The following SHROOM3 variants were observed in gnomAD, a reference collection of about 807,000 sequenced individuals.
The protein encoded by SHROOM3 is shroom family member 3.
A neutral mutation model predicts 138.6 loss-of-function variants in SHROOM3; 47 were observed. The ratio of observed to expected loss-of-function variants is 0.34; its 90% confidence interval spans 0.27 to 0.43. The LOEUF is 0.43. Ranked by LOEUF, SHROOM3 falls within the 20% of genes least tolerant of loss-of-function variation. The probability of loss-of-function intolerance (pLI) is 1.00; values close to 1 mark genes in which losing one functional copy is unlikely to be tolerated. For synonymous variants in SHROOM3, 1,062 were observed against 1,063.3 expected (o/e 1.00, Z 0.02); for missense variants, 2,491 against 2,596.5 (o/e 0.96, Z 0.88).
At chr4:76,724,789 A>G (rs1391213848) in intron 3 of SHROOM3, among the ~76,000 whole-genome samples, 3 of 152,226 alleles carry the variant, frequency 2.0e-5, no homozygotes, top group African/African-American at 7.2e-5. Context: ...AACAGCCATT[A>G]TATGGATATA....
At chr4:76,553,776 C>A (rs369319466) in intron 1 of SHROOM3, among the ~76,000 whole-genome samples, 2 of 152,122 alleles carry the variant, frequency 1.3e-5, no homozygotes, top group African/African-American at 4.8e-5. Flanking sequence ...GGATTACAGG[C>A]GTGAGCCACT....
chr4:76,750,827 C>T (rs1044409385), intron 6 of SHROOM3, among the ~76,000 whole-genome samples: 1 of 150,558 alleles, frequency 6.6e-6, no homozygotes, highest in Non-Finnish European at 1.5e-5. Flanking sequence ...AAAAAAAAAA[C>T]TTTCTGAGCT....
intron 2 of SHROOM3, among the ~76,000 whole-genome samples, chr4:76,622,983 C>G (rs2110067268): frequency 6.6e-6 from 1 of 152,206 alleles, no homozygotes; most frequent in African/African-American, 2.4e-5. Context: ...CTGGTGTTTG[C>G]TCTTAGGATG....
intron 6 of SHROOM3, among the ~76,000 whole-genome samples, chr4:76,751,160 CT>C (rs1366651102): frequency 6.6e-6 from 1 of 151,360 alleles, no homozygotes; most frequent in Non-Finnish European, 1.5e-5. Flanking sequence ...GTATAACACT[CT>C]TTTTTTTCTA....
intron 2 of SHROOM3, among the ~76,000 whole-genome samples, chr4:76,583,247 T>C (rs13148163): frequency 0.58 from 88,529 of 151,924 alleles, 26,369 homozygotes; most frequent in Non-Finnish European, 0.66. Flanking sequence ...TGCACTGACT[T>C]AGGACGGCAT....
At chr4:76,661,234 CT>C (rs912334272) in intron 2 of SHROOM3, among the ~76,000 whole-genome samples, 64 of 145,886 alleles carry the variant, frequency 4.4e-4, no homozygotes, top group Non-Finnish European at 5.6e-4. Flanking sequence ...AATCCATTTT[CT>C]TTTTTTTTTT....
At chr4:76,518,267 C>T (rs756417184) in intron 1 of SHROOM3, among the ~76,000 whole-genome samples, 5 of 151,982 alleles carry the variant, frequency 3.3e-5, no homozygotes, top group Non-Finnish European at 5.9e-5. Context: ...GGCATTTAAC[C>T]CCCCAAGAGC....
chr4:76,643,548 C>A (rs529646287), intron 2 of SHROOM3, among the ~76,000 whole-genome samples: 112 of 152,272 alleles, frequency 7.4e-4, no homozygotes, highest in African/African-American at 2.6e-3. Flanking sequence ...TGTTTGTTAT[C>A]ATTTTGAAAG....
chr4:76,471,079 T>C (rs1310988554), intron 1 of SHROOM3, among the ~76,000 whole-genome samples: 1 of 152,150 alleles, frequency 6.6e-6, no homozygotes, highest in Non-Finnish European at 1.5e-5. Context: ...TCCACTTTTG[T>C]TATAAAACCT....
At chr4:76,765,945 T>G (rs1478719582) in intron 9 of SHROOM3, among the ~76,000 whole-genome samples, 2 of 152,242 alleles carry the variant, frequency 1.3e-5, no homozygotes, top group Non-Finnish European at 2.9e-5. Context: ...ATTTCTGTTA[T>G]GACTTCTTTT....
intron 6 of SHROOM3, among the ~76,000 whole-genome samples, chr4:76,752,651 C>G (rs1033077772): frequency 1.3e-5 from 2 of 151,934 alleles, no homozygotes; most frequent in Non-Finnish European, 2.9e-5. Context: ...CCTAAAAACA[C>G]AAAATAATCA....
At chr4:76,707,701 C>A (rs1445350429) in intron 2 of SHROOM3, among the ~76,000 whole-genome samples, 6 of 152,118 alleles carry the variant, frequency 3.9e-5, no homozygotes, top group Non-Finnish European at 8.8e-5. Context: ...AGAAACAATT[C>A]CAGGGCCCTG....
At chr4:76,615,174 T>C (rs1734846573) in intron 2 of SHROOM3, among the ~76,000 whole-genome samples, 1 of 152,310 alleles carries the variant, frequency 6.6e-6, no homozygotes, top group South Asian at 2.1e-4. Flanking sequence ...ACTCTTGCCA[T>C]TAGAACCTTC....
rs35294663 is a variant in SHROOM3, at chr4:76,557,226, TACACACACAC to T, written c.323+1490_323+1499del. On this transcript the variant is annotated intron_variant, in intron 2 of 10. Transcript: ENST00000296043. ...GTGTATATATGTATATGTTTATGTA[TACACACACAC>T]ACACACACACACACACACACACACA... Among the ~76,000 whole-genome samples, 88 of 142,018 alleles carry T rather than the reference TACACACACAC, an allele frequency of 6.2e-4. No individual in the cohort carries two copies. In the Middle Eastern group the frequency reaches 0.01, roughly 16 times the overall value. The allele number at this position is 142,018 out of a possible 152,430, so 93.2% of individuals were successfully genotyped here. A position where few individuals can be genotyped will look rare whatever the true frequency, so the allele number is the denominator to read the frequency against.
At chr4:76,576,035 C>T (rs942824641) in intron 2 of SHROOM3, among the ~76,000 whole-genome samples, 14 of 152,106 alleles carry the variant, frequency 9.2e-5, no homozygotes, top group Admixed American at 3.9e-4. Flanking sequence ...AGGGAACCCT[C>T]GTACAGTGTT....
chr4:76,474,780 A>C (rs1443127196), intron 1 of SHROOM3, among the ~76,000 whole-genome samples: 1 of 151,954 alleles, frequency 6.6e-6, no homozygotes, highest in African/African-American at 2.4e-5. Context: ...AACAACAAAA[A>C]GCCAGACGTG....
At chr4:76,447,145 C>T (rs1295682459) in intron 1 of SHROOM3, among the ~76,000 whole-genome samples, 1 of 152,126 alleles carries the variant, frequency 6.6e-6, no homozygotes, top group Non-Finnish European at 1.5e-5. Flanking sequence ...ACAGACAGAT[C>T]CTAGTATTCT....
intron 1 of SHROOM3, among the ~76,000 whole-genome samples, chr4:76,541,879 C>T (rs1475550737): frequency 6.6e-6 from 1 of 152,132 alleles, no homozygotes; most frequent in Admixed American, 6.6e-5. Context: ...GCTGAACCTG[C>T]TCCTCCTTCA....
At chr4:76,534,520 A>G (rs1400443029) in intron 1 of SHROOM3, among the ~76,000 whole-genome samples, 2 of 103,532 alleles carry the variant, frequency 1.9e-5, no homozygotes. Flanking sequence ...GTTGTCATTG[A>G]CCATTAAACA....
Sources: gnomAD v4.1 joint callset for allele counts (sites outside exome capture counted in the v4.1 genomes callset) on GRCh38, gnomAD v4.1.1 for gene constraint, MANE v1.5 for transcripts, NCBI Gene and HGNC (gene_info 2026-07-23, HGNC 2026-07-21) for gene names.